The following VKORC1L1 variants were observed in gnomAD, a reference collection of about 807,000 sequenced individuals.
VKORC1L1 encodes the protein vitamin K epoxide reductase complex subunit 1-like protein 1.
Under a neutral mutation model 18.9 loss-of-function variants are expected in VKORC1L1, and 2 were observed. The ratio of observed to expected loss-of-function variants is 0.11; its 90% CI spans 0.04 to 0.33. The LOEUF (loss-of-function observed/expected upper bound fraction) is 0.33. VKORC1L1 is among the 10% of genes least tolerant of loss of function. The pLI, the probability that VKORC1L1 is intolerant of heterozygous loss-of-function variation, is 1.00. For synonymous variants in VKORC1L1, 96 were observed against 100.0 expected (o/e 0.96, Z 0.24); for missense variants, 123 against 224.1 (o/e 0.55, Z 2.88).
At chr7:65,906,171 A>T (rs1343901801) in intron 1 of VKORC1L1, among the ~76,000 whole-genome samples, 2 of 151,744 alleles carry the variant, frequency 1.3e-5, no homozygotes, top group African/African-American at 4.8e-5. Flanking sequence ...ACGGTGGCTC[A>T]TGCCTGTAAT....
rs1170349032 is a variant in VKORC1L1 at position 65,959,489 on chromosome 7, T to G, written c.*5189T>G. The G allele has an allele frequency of 2.0e-5, 3 of 152,260 alleles. No homozygotes were observed. Among genetic ancestry groups the G allele is most frequent in the African/African-American group, 7.2e-5 (3 of 41,470 alleles). 9.4% of individuals were successfully genotyped at this position (152,260 alleles called of 1,614,324 possible). ...ATAAAAAAAATACAGAAGCTCTAGA[T>G]TCCTAATTGGAACTGACTACACTCA... On this transcript the variant is annotated 3_prime_UTR_variant, in exon 3 of 3. Transcript: ENST00000360768.
At chr7:65,890,538 G>C (rs564040161) in intron 1 of VKORC1L1, among the ~76,000 whole-genome samples, 2 of 152,204 alleles carry the variant, frequency 1.3e-5, no homozygotes, top group East Asian at 3.9e-4. Context: ...CAGAGTGCTG[G>C]GATTACAGAC....
intron 1 of VKORC1L1, among the ~76,000 whole-genome samples, chr7:65,912,931 CAG>C (rs905718541): frequency 2.2e-4 from 33 of 152,216 alleles, no homozygotes; most frequent in Admixed American, 1.8e-3. Context: ...GACTAGTAAA[CAG>C]TTCCAGGAGC....
At chr7:65,879,349 T>A (rs900692063) in intron 1 of VKORC1L1, among the ~76,000 whole-genome samples, 4 of 152,146 alleles carry the variant, frequency 2.6e-5, no homozygotes, top group African/African-American at 9.7e-5. Context: ...CAGGTTGAAC[T>A]GAAAAGAGTC....
intron 2 of VKORC1L1, among the ~76,000 whole-genome samples, chr7:65,953,689 G>A (rs1177904538): frequency 6.6e-6 from 1 of 152,156 alleles, no homozygotes; most frequent in East Asian, 1.9e-4. Context: ...GAGGTTAGGA[G>A]TTGGAGACCA....
chr7:65,951,460 G>T (rs1399580315), intron 2 of VKORC1L1, among the ~76,000 whole-genome samples: 1 of 151,980 alleles, frequency 6.6e-6, no homozygotes, highest in Non-Finnish European at 1.5e-5. Flanking sequence ...TGTAATCCCA[G>T]CTACTTGGGA....
At chr7:65,940,149 C>T (rs1479717098) in intron 1 of VKORC1L1, among the ~76,000 whole-genome samples, 3 of 151,982 alleles carry the variant, frequency 2.0e-5, no homozygotes, top group East Asian at 1.9e-4. Flanking sequence ...CCCAGCTGCC[C>T]GAGTAGCTGG....
chr7:65,891,191 C>T (rs1789105758), intron 1 of VKORC1L1, among the ~76,000 whole-genome samples: 1 of 148,298 alleles, frequency 6.7e-6, no homozygotes, highest in African/African-American at 2.5e-5. Context: ...GATTATATTA[C>T]CCTTTGTTTA....
At chr7:65,896,063 C>CTT (rs757411300) in intron 1 of VKORC1L1, among the ~76,000 whole-genome samples, 11 of 136,214 alleles carry the variant, frequency 8.1e-5, no homozygotes, top group East Asian at 4.2e-4. Flanking sequence ...ACTCGGCCAA[C>CTT]TTTTTTTTTT....
At chr7:65,904,494 C>T (rs746719404) in intron 1 of VKORC1L1, among the ~76,000 whole-genome samples, 14 of 152,130 alleles carry the variant, frequency 9.2e-5, no homozygotes, top group Admixed American at 3.9e-4. Flanking sequence ...CGTGAGCTAC[C>T]GTGCCTGGCA....
intron 1 of VKORC1L1, among the ~76,000 whole-genome samples, chr7:65,907,352 G>A (rs1789423125): frequency 6.6e-6 from 1 of 152,218 alleles, no homozygotes; most frequent in Admixed American, 6.5e-5. Flanking sequence ...CATGAGAATC[G>A]CTTAGAACCC....
chr7:65,919,516 C>A (rs761637310), intron 1 of VKORC1L1, among the ~76,000 whole-genome samples: 1 of 152,056 alleles, frequency 6.6e-6, no homozygotes, highest in Non-Finnish European at 1.5e-5. Context: ...AGTCAGAAAC[C>A]TCTGTGTCAT....
intron 1 of VKORC1L1, among the ~76,000 whole-genome samples, chr7:65,922,888 C>T (rs1022290807): frequency 3.9e-5 from 6 of 152,054 alleles, no homozygotes; most frequent in Non-Finnish European, 7.4e-5. Context: ...AAAGTATTTA[C>T]GTGTCCTGCT....
At chr7:65,903,704 A>G (rs1386922553) in intron 1 of VKORC1L1, among the ~76,000 whole-genome samples, 1 of 150,944 alleles carries the variant, frequency 6.6e-6, no homozygotes, top group Admixed American at 6.6e-5. Flanking sequence ...CCTGGGAGGC[A>G]GAGGCTGCAG....
upstream of VKORC1L1, among the ~76,000 whole-genome samples, chr7:65,869,573 A>G (rs1788700321): frequency 6.6e-6 from 1 of 151,082 alleles, no homozygotes; most frequent in Admixed American, 6.6e-5. Context: ...GCTCATCCAC[A>G]TGGATGCTGA....
In VKORC1L1 at chr7:65,954,345, C is replaced by G. The variant is rs1450185602; in HGVS notation, c.*45C>G. ...TAACAGTCTCAAGCCCCTTTCCATT[C>G]AGTTTATTTTGCAGCAGGTTTTTAT... is the stretch of plus-strand genomic sequence containing the variant. On this transcript the variant is annotated 3_prime_UTR_variant, in exon 3 of 3. Coordinates refer to ENST00000360768, the MANE Select transcript of VKORC1L1 (RefSeq NM_173517.6). 6.2e-7 allele frequency: 1 copy of G among 1,602,730 alleles called. No homozygotes were observed. The highest frequency in any genetic ancestry group is 2.2e-5 in the East Asian group (1 of 44,546).
chr7:65,866,582 G>A, the VKORC1L1 span, among the ~76,000 whole-genome samples: 4 of 152,092 alleles, frequency 2.6e-5, no homozygotes, highest in African/African-American at 9.7e-5. Context: ...ATAGAATGCT[G>A]GAGAACACAG....
intron 1 of VKORC1L1, among the ~76,000 whole-genome samples, chr7:65,895,519 A>ACACC (rs1789194537): frequency 7.4e-6 from 1 of 135,472 alleles, no homozygotes; most frequent in African/African-American, 2.7e-5. Flanking sequence ...ATATATATAC[A>ACACC]CACACACACA....
intron 1 of VKORC1L1, among the ~76,000 whole-genome samples, chr7:65,914,431 C>T (rs1324653122): frequency 1.3e-5 from 2 of 152,002 alleles, no homozygotes; most frequent in East Asian, 3.9e-4. Flanking sequence ...ACTGTCTCTC[C>T]TATCCCTTCC....
Sources: gnomAD v4.1 joint callset for allele counts (sites outside exome capture counted in the v4.1 genomes callset) on GRCh38, gnomAD v4.1.1 for gene constraint, MANE v1.5 for transcripts, NCBI Gene and HGNC (gene_info 2026-07-23, HGNC 2026-07-21) for gene names.